WNK1: variants seen among roughly 807,000 people sequenced by gnomAD.
The protein encoded by WNK1 is serine/threonine-protein kinase WNK1.
Under a neutral mutation model 222.8 loss-of-function variants are expected in WNK1, and 38 were observed. The observed-to-expected ratio is 0.17, with a 90% CI of 0.13 to 0.22. The LOEUF is 0.22. Among genes scored for constraint, WNK1 ranks in the 10% least tolerant of loss-of-function variants. WNK1 has a pLI of 1.00. For missense variants in WNK1, 2,348 were observed against 2,918.4 expected (o/e 0.80, Z 4.50); for synonymous variants, 1,090 against 1,092.9 (o/e 1.00, Z 0.05).
chr12:819,856 C>A (rs1318230549), intron 2 of WNK1, among the ~76,000 whole-genome samples: 2 of 152,146 alleles, frequency 1.3e-5, no homozygotes, highest in Admixed American at 6.5e-5. Context: ...GTACTCTTCT[C>A]AAAAATTATT....
intron 20 of WNK1, 82 bp downstream of exon 20, chr12:887,386 G>A (rs1052322284): frequency 4.3e-5 from 60 of 1,383,408 alleles, no homozygotes; most frequent in Middle Eastern, 1.8e-4. Context: ...ACGTGGTCTT[G>A]GCTTTTGCCT....
At chr12:877,256 G>C (rs748379880) in intron 9 of WNK1, among the ~76,000 whole-genome samples, 12 of 151,864 alleles carry the variant, frequency 7.9e-5, no homozygotes, top group African/African-American at 1.5e-4. Context: ...GTAGCGATGG[G>C]GTTTCTCCAT....
In WNK1 at chr12:879,863, A is replaced by G. The variant is rs769020140; in HGVS notation, c.2664A>G (p.Val888=). 255 of 1,614,030 alleles carry G rather than the reference A, an allele frequency of 1.6e-4. No homozygotes were observed. Among genetic ancestry groups the G allele is most frequent in the Admixed American group, 2.7e-4 (16 of 60,008 alleles). ...SSATTAAIPG[V]STVVPSQLPT... ...CTACAACAGCTGCGATCCCGGGGGT[A>G]TCAACTGTGGTTCCTAGTCAGCTTC... Residue 888 remains valine, a synonymous_variant, in exon 11 of 28, where the codon GTA becomes GTG. Coordinates refer to ENST00000315939, the MANE Select transcript of WNK1 (RefSeq NM_018979.4).
intron 4 of WNK1, chr12:851,596 C>A: frequency 8.2e-7 from 1 of 1,221,998 alleles, no homozygotes; most frequent in Non-Finnish European, 1.0e-6. Context: ...TTCAGTCTGA[C>A]TTTGATGTCT....
At chr12:900,397 C>G (rs1955156539) in intron 25 of WNK1, 79 bp from the exon 26 acceptor site, 1 of 1,528,868 alleles carries the variant, frequency 6.5e-7, no homozygotes, top group African/African-American at 1.4e-5. Flanking sequence ...TGGAACAAAC[C>G]AAATGTATAA....
Position 880,850 on chromosome 12 carries a change from C to A in WNK1, c.2962C>A (p.Pro988Thr). ...PPMPTEVLAT[P>T]GYFPTVVQPY... The stretch of plus-strand genomic sequence containing the variant: ...CATGCCGACAGAAGTACTGGCTACA[C>A]CTGGGTACTTTCCCACAGTGGTGCA... The change falls in exon 12 of 28, where the codon CCT (proline) becomes ACT (threonine). Residue 988 changes from proline to threonine, a missense_variant. Transcript: ENST00000315939. 3.1e-6 allele frequency: 5 copies of A among 1,614,060 alleles called. No homozygotes were observed. The highest frequency in any genetic ancestry group is 4.2e-6 in the Non-Finnish European group (5 of 1,180,010).
intron 8 of WNK1, 23 bp downstream of exon 8, chr12:862,293 G>A: frequency 6.2e-7 from 1 of 1,612,012 alleles, no homozygotes; most frequent in South Asian, 1.1e-5. Context: ...TTAAGAGCAT[G>A]TAATACTACA....
chr12:878,074 G>T, intron 9 of WNK1, 138 bp from the exon 10 acceptor site: 1 of 1,049,966 alleles, frequency 9.5e-7, no homozygotes, highest in South Asian at 1.4e-5. Context: ...GGAAATTGAT[G>T]AATTTGGGTT....
chr12:814,321 CAA>C (rs71439363), intron 2 of WNK1, among the ~76,000 whole-genome samples: 73 of 91,922 alleles, frequency 7.9e-4, no homozygotes, highest in South Asian at 9.0e-4. Context: ...ACTCTGTCTC[CAA>C]AAAAAAAAAA....
At chr12:755,725 C>G (rs971972926) in intron 1 of WNK1, among the ~76,000 whole-genome samples, 2 of 152,086 alleles carry the variant, frequency 1.3e-5, no homozygotes, top group Admixed American at 1.3e-4. Flanking sequence ...GCCTGTAATC[C>G]CAGCACTTTG....
chr12:763,961 G>A (rs1477913917), intron 1 of WNK1, among the ~76,000 whole-genome samples: 1 of 147,444 alleles, frequency 6.8e-6, no homozygotes, highest in African/African-American at 2.4e-5. Context: ...AATTGGACAT[G>A]TTGAGTTTGA....
At chr12:783,490 CA>C (rs142291416) in intron 1 of WNK1, among the ~76,000 whole-genome samples, 1 of 74,338 alleles carries the variant, frequency 1.3e-5, no homozygotes, top group Non-Finnish European at 2.8e-5. Flanking sequence ...CTGTCTCCAC[CA>C]AAAAAAAAAC....
At chr12:872,711 A>C (rs963394167) in intron 9 of WNK1, among the ~76,000 whole-genome samples, 2 of 152,192 alleles carry the variant, frequency 1.3e-5, no homozygotes, top group Admixed American at 6.5e-5. Flanking sequence ...GGGTTTTTTA[A>C]TCAGCAAACT....
At chr12:785,488 C>T (rs1944206605) in intron 1 of WNK1, among the ~76,000 whole-genome samples, 1 of 150,930 alleles carries the variant, frequency 6.6e-6, no homozygotes, top group East Asian at 1.9e-4. Context: ...GCAGCCTCCA[C>T]CTCCCAGGTT....
At position 883,471 on chromosome 12, in the gene WNK1, A is replaced by G; in HGVS notation, c.3566A>G (p.Asp1189Gly). 5 of 1,613,902 alleles carry G rather than the reference A, an allele frequency of 3.1e-6. No homozygotes were observed. Among genetic ancestry groups the G allele is most frequent in the Non-Finnish European group, 3.4e-6 (4 of 1,179,824 alleles). ...GTGCGAGAAATTATTGAAAAAGCTG[A>G]TGAAATGCTCAGTGAGGATGTCAGT... ...DQVREIIEKA[D>G]EMLSEDVSVE... Residue 1189 changes from aspartate (D) to glycine (G), a missense_variant, in exon 16 of 28, where the codon GAT becomes GGT. Physicochemically the swap from Asp to Gly is moderately conservative, Grantham distance 94 (BLOSUM62 -1). Transcript: ENST00000315939.
intron 3 of WNK1, among the ~76,000 whole-genome samples, chr12:828,379 T>C (rs1446635755): frequency 1.3e-5 from 2 of 152,168 alleles, no homozygotes; most frequent in Admixed American, 6.5e-5. Flanking sequence ...TTCTGAAAAG[T>C]TGGTTTTATC....
chr12:859,674 G>T (rs1192963372), intron 6 of WNK1, among the ~76,000 whole-genome samples: 3 of 145,404 alleles, frequency 2.1e-5, no homozygotes, highest in African/African-American at 5.1e-5. Flanking sequence ...TTTTATAATG[G>T]GTGTTAGATT....
At chr12:880,269 T>C (rs974639316) in intron 11 of WNK1, among the ~76,000 whole-genome samples, 2 of 152,204 alleles carry the variant, frequency 1.3e-5, no homozygotes, top group African/African-American at 4.8e-5. Flanking sequence ...TGTAAGCTGA[T>C]TGAATGCTAG....
Position 900,325 on chromosome 12 carries a change from G to A in WNK1, c.6449-151G>A, listed in dbSNP as rs116138948. ...CTTAGTGTCATTCCTCACTTCTCCC[G>A]TTAGTGAGGACTTTGTTCTTCTCAT... On this transcript the variant is annotated intron_variant, in intron 25 of 27. Coordinates refer to ENST00000315939, the MANE Select transcript of WNK1 (RefSeq NM_018979.4). 6.6e-4 allele frequency: 527 copies of A among 795,960 alleles called. 1 individual carries two copies. In the African/African-American group the frequency reaches 8.2e-3, roughly 12 times the overall value. The allele number at this position is 795,960 out of a possible 1,614,324, so 49.3% of individuals were successfully genotyped here. A position where few individuals can be genotyped will look rare whatever the true frequency, so the allele number is the denominator to read the frequency against.
Sources: gnomAD v4.1 joint callset for allele counts (sites outside exome capture counted in the v4.1 genomes callset) on GRCh38, gnomAD v4.1.1 for gene constraint, MANE v1.5 for transcripts, NCBI Gene and HGNC (gene_info 2026-07-23, HGNC 2026-07-21) for gene names.